UNC5D: variants seen among roughly 807,000 people sequenced by gnomAD.
The protein encoded by UNC5D is netrin receptor UNC5D.
UNC5D carries 39 observed loss-of-function variants against 105.4 expected under a neutral mutation model. That is an observed-to-expected ratio of 0.37 (90% CI 0.29 to 0.48). UNC5D has a LOEUF of 0.48. UNC5D is among the 20% of genes least tolerant of loss of function. UNC5D has a pLI of 0.98. For missense variants in UNC5D, 991 were observed against 1,202.4 expected (o/e 0.82, Z 2.60); for synonymous variants, 452 against 450.4 (o/e 1.00, Z -0.04).
chr8:35,738,242 T>C, intron 11 of UNC5D, among the ~76,000 whole-genome samples: 1 of 152,340 alleles, frequency 6.6e-6, no homozygotes, highest in East Asian at 1.9e-4. Flanking sequence ...CAAATCATTC[T>C]CTTTCTCTAG....
intron 7 of UNC5D, among the ~76,000 whole-genome samples, chr8:35,690,622 G>T (rs1044839737): frequency 6.6e-6 from 1 of 152,112 alleles, no homozygotes; most frequent in African/African-American, 2.4e-5. Context: ...CTGTCTCAAA[G>T]AATAAATAAA....
chr8:35,551,494 A>G (rs1450756953), intron 2 of UNC5D, among the ~76,000 whole-genome samples: 1 of 152,168 alleles, frequency 6.6e-6, no homozygotes, highest in Non-Finnish European at 1.5e-5. Context: ...TCTTCAGAAG[A>G]CAGGGATAGG....
intron 1 of UNC5D, among the ~76,000 whole-genome samples, chr8:35,252,115 G>A (rs1007834644): frequency 6.7e-6 from 1 of 148,862 alleles, no homozygotes; most frequent in African/African-American, 2.5e-5. Flanking sequence ...TCTGCCCCAC[G>A]GGGTTCACGC....
intron 1 of UNC5D, among the ~76,000 whole-genome samples, chr8:35,319,267 G>GC (rs1809534512): frequency 2.0e-5 from 3 of 151,954 alleles, no homozygotes; most frequent in Admixed American, 6.6e-5. Context: ...TCTTCCTTCT[G>GC]CCCCCCACAG....
intron 2 of UNC5D, among the ~76,000 whole-genome samples, chr8:35,554,483 G>A (rs919181591): frequency 1.3e-5 from 2 of 152,166 alleles, no homozygotes; most frequent in African/African-American, 2.4e-5. Context: ...ACATCTGGAA[G>A]CTCAGAGTTG....
At chr8:35,441,857 A>T (rs771508940) in intron 1 of UNC5D, among the ~76,000 whole-genome samples, 58 of 151,678 alleles carry the variant, frequency 3.8e-4, no homozygotes, top group Non-Finnish European at 7.7e-4. Context: ...TCTAATAAGA[A>T]GCGGGACAAC....
At chr8:35,686,501 A>G (rs777344312) in intron 6 of UNC5D, 44 bp from the exon 7 acceptor site, 51 of 1,516,642 alleles carry the variant, frequency 3.4e-5, no homozygotes, top group Non-Finnish European at 4.5e-5. Context: ...CCTGACCGCT[A>G]CTTGATTCAT....
intron 3 of UNC5D, among the ~76,000 whole-genome samples, chr8:35,576,933 T>G (rs1455912856): frequency 6.6e-6 from 1 of 152,164 alleles, no homozygotes; most frequent in Non-Finnish European, 1.5e-5. Context: ...TTTTAAAACA[T>G]TTGACGTAAT....
chr8:35,724,029 G>T, intron 9 of UNC5D: 1 of 840,522 alleles, frequency 1.2e-6, no homozygotes. Context: ...GCAGCGAATA[G>T]AGTTCTAGAC....
At chr8:35,570,403 A>G (rs1031371008) in intron 3 of UNC5D, among the ~76,000 whole-genome samples, 3 of 152,208 alleles carry the variant, frequency 2.0e-5, no homozygotes, top group Non-Finnish European at 4.4e-5. Flanking sequence ...TTTCATAGTT[A>G]AAGTTAAACT....
chr8:35,748,437 A>C (rs1425786151), intron 11 of UNC5D, 90 bp from the exon 12 acceptor site: 1 of 1,366,672 alleles, frequency 7.3e-7, no homozygotes, highest in Non-Finnish European at 9.9e-7. Context: ...ATAAGCCTGA[A>C]GAAAACCCCA....
chr8:35,749,273 A>G (rs1830148961), intron 12 of UNC5D, among the ~76,000 whole-genome samples: 1 of 152,220 alleles, frequency 6.6e-6, no homozygotes, highest in Non-Finnish European at 1.5e-5. Context: ...ATGAGGATAC[A>G]TAATAAGACA....
chr8:35,241,668 AT>A (rs1263130235), intron 1 of UNC5D, among the ~76,000 whole-genome samples: 1 of 150,402 alleles, frequency 6.6e-6, no homozygotes, highest in Non-Finnish European at 1.5e-5. Context: ...AGTAGCTTTT[AT>A]TTTTTATTTT....
At chr8:35,765,955 A>C (rs1273034808) in intron 14 of UNC5D, among the ~76,000 whole-genome samples, 2 of 152,206 alleles carry the variant, frequency 1.3e-5, no homozygotes, top group African/African-American at 4.8e-5. Flanking sequence ...CCAAGGGCCA[A>C]GCCACATTTG....
chr8:35,603,760 G>C (rs989629538), intron 4 of UNC5D, among the ~76,000 whole-genome samples: 3 of 152,010 alleles, frequency 2.0e-5, no homozygotes, highest in Admixed American at 2.0e-4. Context: ...AGGATAGTTA[G>C]TTCTTCTTGT....
chr8:35,558,467 T>C (rs1270076076), intron 2 of UNC5D, among the ~76,000 whole-genome samples: 2 of 152,210 alleles, frequency 1.3e-5, no homozygotes, highest in Non-Finnish European at 2.9e-5. Context: ...AAAAATGTGT[T>C]ATTCAAAATA....
At chr8:35,348,278 A>G (rs1407712461) in intron 1 of UNC5D, among the ~76,000 whole-genome samples, 2 of 151,946 alleles carry the variant, frequency 1.3e-5, no homozygotes. Flanking sequence ...TCACTTAAAT[A>G]TATGTCATGG....
intron 1 of UNC5D, among the ~76,000 whole-genome samples, chr8:35,464,769 C>A (rs537582023): frequency 1.3e-5 from 2 of 152,296 alleles, no homozygotes; most frequent in South Asian, 2.1e-4. Context: ...TTATCCCTAA[C>A]CCTGGCCATC....
At chr8:35,751,439 G>C (rs1309316251) in intron 13 of UNC5D, among the ~76,000 whole-genome samples, 1 of 152,164 alleles carries the variant, frequency 6.6e-6, no homozygotes, top group Non-Finnish European at 1.5e-5. Context: ...TAGTCTCCAG[G>C]CAGGAAGGGG....
Sources: allele counts gnomAD v4.1 joint callset (sites outside exome capture counted in the v4.1 genomes callset), GRCh38; gene constraint gnomAD v4.1.1; transcripts MANE v1.5; gene names NCBI Gene and HGNC (gene_info 2026-07-23, HGNC 2026-07-21).